The following EIF4G3 variants were observed in gnomAD, a reference collection of about 807,000 sequenced individuals.
EIF4G3 encodes the protein eIF-4-gamma 3.
EIF4G3 carries 34 observed loss-of-function variants against 186.4 expected under a neutral mutation model. The ratio of observed to expected loss-of-function variants is 0.18; its 90% confidence interval spans 0.14 to 0.24. EIF4G3 has a LOEUF of 0.24. EIF4G3 is among the 10% of genes least tolerant of loss of function. The pLI is 1.00. For synonymous variants in EIF4G3, 673 were observed against 679.5 expected, an observed-to-expected ratio of 0.99 and a Z score of 0.15; for missense variants, 1,536 against 1,948.5, an observed-to-expected ratio of 0.79 and a Z score of 3.99.
intron 14 of EIF4G3, among the ~76,000 whole-genome samples, chr1:20,911,397 T>C (rs2093174204): frequency 6.6e-6 from 1 of 151,182 alleles, no homozygotes; most frequent in South Asian, 2.1e-4. Context: ...GTGAGACCTC[T>C]ACAAAAAATT....
At chr1:21,115,684 A>G (rs1055955192) in intron 2 of EIF4G3, among the ~76,000 whole-genome samples, 3 of 152,146 alleles carry the variant, frequency 2.0e-5, no homozygotes, top group African/African-American at 7.2e-5. Flanking sequence ...ATACAGTTAA[A>G]TGAGACGATT....
chr1:20,848,061 G>A (rs2071813389), intron 29 of EIF4G3: 2 of 324,564 alleles, frequency 6.2e-6, no homozygotes, highest in Admixed American at 8.9e-5. Context: ...TGCCTCCCGG[G>A]CTTCAAGTGA....
At chr1:21,126,937 G>T (rs2097057913) in intron 2 of EIF4G3, among the ~76,000 whole-genome samples, 1 of 152,198 alleles carries the variant, frequency 6.6e-6, no homozygotes, top group Non-Finnish European at 1.5e-5. Flanking sequence ...GTTGTATAAA[G>T]AGTTATTATA....
intron 2 of EIF4G3, among the ~76,000 whole-genome samples, chr1:21,098,545 A>AGG (rs2101713814): frequency 8.5e-6 from 1 of 118,038 alleles, no homozygotes; most frequent in African/African-American, 3.0e-5. Context: ...GTCTCGAAAA[A>AGG]AAAAAAAAAA....
intron 20 of EIF4G3, among the ~76,000 whole-genome samples, chr1:20,879,118 G>A (rs116700353): frequency 1.1e-3 from 169 of 152,196 alleles, no homozygotes; most frequent in African/African-American, 3.9e-3. Flanking sequence ...GCCCATTTCA[G>A]TCCAGACTTC....
At chr1:21,130,256 G>A (rs1209427740) in intron 2 of EIF4G3, among the ~76,000 whole-genome samples, 1 of 116,834 alleles carries the variant, frequency 8.6e-6, no homozygotes. Context: ...ACAAAGTCTC[G>A]CTCTGTCGCC....
rs113371626 is a variant in EIF4G3, at chr1:20,945,129, G to C, written c.824-2799C>G. On this transcript the variant is annotated intron_variant, in intron 13 of 36. Coordinates refer to ENST00000602326, the MANE Select transcript of EIF4G3 (RefSeq NM_001391906.1). Reference sequence around the variant, plus strand: ...GAAAATGCAGAAAGCTAAAAACACAGTAGAGCTAAATTAAAAAAAAAAACA... The same window carrying C: ...GAAAATGCAGAAAGCTAAAAACACACTAGAGCTAAATTAAAAAAAAAAACA... 6.8e-3 allele frequency among the ~76,000 whole-genome samples: 1,027 copies of C among 151,658 alleles called. 17 individuals carry two copies. Among genetic ancestry groups the C allele is most frequent in the East Asian group, 0.024 (124 of 5,126 alleles).
At chr1:21,086,264 A>G (rs184261908) in intron 3 of EIF4G3, among the ~76,000 whole-genome samples, 39 of 122,714 alleles carry the variant, frequency 3.2e-4, no homozygotes, top group Admixed American at 8.6e-4. Context: ...TAGAGGTTTG[A>G]TCAAAGCTTA....
intron 32 of EIF4G3, among the ~76,000 whole-genome samples, chr1:20,826,803 A>G (rs1273154852): frequency 4.6e-5 from 7 of 152,102 alleles, no homozygotes; most frequent in Admixed American, 4.6e-4. Context: ...GTGAGTTTTA[A>G]ATAAGGACTA....
At chr1:21,076,473 G>C (rs1480459591) in intron 3 of EIF4G3, among the ~76,000 whole-genome samples, 1 of 151,918 alleles carries the variant, frequency 6.6e-6, no homozygotes, top group African/African-American at 2.4e-5. Flanking sequence ...CTGGGAGAGA[G>C]AGCAAGATCC....
chr1:20,943,238 C>T (rs1030158846), intron 13 of EIF4G3, among the ~76,000 whole-genome samples: 2 of 152,044 alleles, frequency 1.3e-5, no homozygotes, highest in African/African-American at 2.4e-5. Context: ...AAAGTTAATA[C>T]ACGAATAAAT....
At chr1:20,964,211 G>T (rs142525035) in intron 12 of EIF4G3, among the ~76,000 whole-genome samples, 1 of 152,022 alleles carries the variant, frequency 6.6e-6, no homozygotes, top group Non-Finnish European at 1.5e-5. Flanking sequence ...AGATTATTTC[G>T]TACAATTCCT....
chr1:20,840,524 G>T (rs370997752), intron 30 of EIF4G3, among the ~76,000 whole-genome samples: 2 of 152,094 alleles, frequency 1.3e-5, no homozygotes, highest in South Asian at 4.1e-4. Context: ...TTTCCTCAAA[G>T]AACATTTGGG....
intron 13 of EIF4G3, among the ~76,000 whole-genome samples, chr1:20,949,476 G>C (rs888747406): frequency 1.3e-5 from 2 of 152,106 alleles, no homozygotes; most frequent in African/African-American, 2.4e-5. Context: ...CATTCTATCA[G>C]TGAAGAAACT....
intron 2 of EIF4G3, among the ~76,000 whole-genome samples, chr1:21,166,617 C>T (rs757578976): frequency 6.6e-6 from 1 of 152,056 alleles, no homozygotes; most frequent in Non-Finnish European, 1.5e-5. Context: ...TCCCCAGCTA[C>T]TCGGGAGGCT....
chr1:21,089,667 C>T (rs1191460050), intron 2 of EIF4G3, among the ~76,000 whole-genome samples: 1 of 151,772 alleles, frequency 6.6e-6, no homozygotes, highest in Non-Finnish European at 1.5e-5. Flanking sequence ...TTGCCAGCAC[C>T]TGTAGTCTCC....
intron 4 of EIF4G3, among the ~76,000 whole-genome samples, chr1:21,016,448 G>C (rs1415081099): frequency 6.6e-6 from 1 of 152,134 alleles, no homozygotes; most frequent in Non-Finnish European, 1.5e-5. Context: ...CACTTTGAGA[G>C]GTGGAGGTGG....
At chr1:20,908,238 G>T (rs1334772011) in intron 14 of EIF4G3, among the ~76,000 whole-genome samples, 1 of 152,036 alleles carries the variant, frequency 6.6e-6, no homozygotes, top group East Asian at 1.9e-4. Context: ...TTTTGATGGG[G>T]TTGTTTTTTT....
intron 7 of EIF4G3, among the ~76,000 whole-genome samples, chr1:20,995,009 A>C (rs1484081177): frequency 1.3e-5 from 2 of 152,192 alleles, no homozygotes; most frequent in African/African-American, 4.8e-5. Flanking sequence ...TTAAACGACT[A>C]ATCTGCTAAC....
Sources: gnomAD v4.1 joint callset for allele counts (sites outside exome capture counted in the v4.1 genomes callset) on GRCh38, gnomAD v4.1.1 for gene constraint, MANE v1.5 for transcripts, NCBI Gene and HGNC (gene_info 2026-07-23, HGNC 2026-07-21) for gene names.